The following PDE8B variants were observed in gnomAD, a reference collection of about 807,000 sequenced individuals.
PDE8B encodes the protein high affinity cAMP-specific and IBMX-insensitive 3',5'-cyclic phosphodiesterase 8B.
Under a neutral mutation model 101.3 loss-of-function variants are expected in PDE8B, and 26 were observed. The ratio of observed to expected loss-of-function variants is 0.26; its 90% CI spans 0.19 to 0.36. The LOEUF (loss-of-function observed/expected upper bound fraction) is 0.36, where lower values mean the gene tolerates loss of function less well. Among genes scored for constraint, PDE8B ranks in the 10% least tolerant of loss-of-function variants. PDE8B has a pLI of 1.00. For missense variants in PDE8B, 810 were observed against 1,163.1 expected, an observed-to-expected ratio of 0.70 and a Z score of 4.42; for synonymous variants, 424 against 429.3, an observed-to-expected ratio of 0.99 and a Z score of 0.15.
At chr5:77,413,785 T>C (rs1417430933) in intron 17 of PDE8B, among the ~76,000 whole-genome samples, 1 of 152,202 alleles carries the variant, frequency 6.6e-6, no homozygotes, top group Non-Finnish European at 1.5e-5. Context: ...GTGCCTATCT[T>C]TATATTAATG....
intron 1 of PDE8B, among the ~76,000 whole-genome samples, chr5:77,273,956 A>G (rs1321583797): frequency 1.3e-5 from 2 of 151,864 alleles, no homozygotes; most frequent in South Asian, 2.1e-4. Flanking sequence ...CCGAGTAGCT[A>G]GGATTACAGA....
chr5:77,338,976 G>T (rs1238974872), intron 6 of PDE8B, among the ~76,000 whole-genome samples: 2 of 152,150 alleles, frequency 1.3e-5, no homozygotes, highest in Admixed American at 6.5e-5. Flanking sequence ...GGCACTGGGG[G>T]GCTGTCCCAG....
chr5:77,337,378 AC>A, intron 6 of PDE8B, 63 bp downstream of exon 6: 1 of 864,178 alleles, frequency 1.2e-6, no homozygotes. Flanking sequence ...TTATCTGTCA[AC>A]AGGCTGATGT....
At chr5:77,126,927 C>T in the PDE8B span, among the ~76,000 whole-genome samples, 1 of 152,168 alleles carries the variant, frequency 6.6e-6, no homozygotes, top group African/African-American at 2.4e-5. Context: ...AGCTTCTGGA[C>T]TTTATTTATT....
the PDE8B span, among the ~76,000 whole-genome samples, chr5:77,153,695 C>T: frequency 2.6e-5 from 4 of 151,930 alleles, no homozygotes; most frequent in South Asian, 6.2e-4. Context: ...CTGCCTCAGC[C>T]TCCGGAGTAG....
chr5:77,241,308 T>A (rs982257757), intron 1 of PDE8B, among the ~76,000 whole-genome samples: 1 of 152,226 alleles, frequency 6.6e-6, no homozygotes, highest in Non-Finnish European at 1.5e-5. Context: ...GTATTGCTCT[T>A]GAATCTGAAG....
At position 77,344,913 on chromosome 5, in the gene PDE8B, C is replaced by T. The variant is rs575049091; in HGVS notation, c.858C>T (p.Ser286=). The T allele has an allele frequency of 2.4e-4, 388 of 1,607,062 alleles. 3 individuals carry two copies. In the South Asian group the frequency reaches 3.9e-3, roughly 16 times the overall value. Residue 286 remains serine, a synonymous_variant, in exon 7 of 22, where the codon AGC becomes AGT. Coordinates refer to ENST00000264917, the MANE Select transcript of PDE8B (RefSeq NM_003719.5). ...DHCHEAIEIT[S]DDHVIQYVNP... is the part of the protein sequence containing the mutation. ...GTCATGAAGCCATAGAAATAACAAGCGATGACCACGTGATTCAGGTATGGA... is the reference window on the plus strand; with the variant it reads ...GTCATGAAGCCATAGAAATAACAAGTGATGACCACGTGATTCAGGTATGGA...
the PDE8B span, chr5:77,114,849 AT>A: frequency 6.6e-6 from 1 of 152,230 alleles, no homozygotes. Flanking sequence ...CAATGGTACC[AT>A]TTTAGCACAG....
At chr5:77,272,473 G>A (rs1345310268) in intron 1 of PDE8B, among the ~76,000 whole-genome samples, 1 of 152,128 alleles carries the variant, frequency 6.6e-6, no homozygotes, top group Non-Finnish European at 1.5e-5. Context: ...TGTACATATG[G>A]TTCCTTTTAT....
chr5:77,308,112 T>C (rs1771666797), intron 1 of PDE8B, among the ~76,000 whole-genome samples: 1 of 152,252 alleles, frequency 6.6e-6, no homozygotes, highest in Non-Finnish European at 1.5e-5. Flanking sequence ...AACTGCCGTC[T>C]GTGAATACAC....
At chr5:77,130,957 T>G in the PDE8B span, 1 of 152,250 alleles carries the variant, frequency 6.6e-6, no homozygotes, top group African/African-American at 2.4e-5. Context: ...GAAATCAGGT[T>G]TGAGCCCTGC....
the PDE8B span, among the ~76,000 whole-genome samples, chr5:77,109,838 T>C: frequency 2.0e-5 from 3 of 151,146 alleles, no homozygotes; most frequent in Admixed American, 2.0e-4. Context: ...TATAGAAGAA[T>C]GGCCAAGAGA....
intron 2 of PDE8B, among the ~76,000 whole-genome samples, chr5:77,320,316 A>G (rs1364682261): frequency 6.6e-6 from 1 of 152,208 alleles, no homozygotes; most frequent in East Asian, 1.9e-4. Flanking sequence ...AGGATTGCCG[A>G]TAGCTATGTT....
At chr5:77,268,373 T>C (rs140811093) in intron 1 of PDE8B, among the ~76,000 whole-genome samples, 133 of 152,274 alleles carry the variant, frequency 8.7e-4, no homozygotes, top group African/African-American at 3.1e-3. Flanking sequence ...ATTATGTTCT[T>C]TTAGTTATTT....
chr5:77,422,629 G>C (rs34420432), intron 20 of PDE8B, among the ~76,000 whole-genome samples: 1 of 152,014 alleles, frequency 6.6e-6, no homozygotes, highest in South Asian at 2.1e-4. Flanking sequence ...TAGCAGTGTA[G>C]AGAGTTAAAG....
the PDE8B span, among the ~76,000 whole-genome samples, chr5:77,090,514 A>C: frequency 6.6e-6 from 1 of 152,124 alleles, no homozygotes; most frequent in Non-Finnish European, 1.5e-5. Context: ...ACCTTGTGAT[A>C]CACCCGCCTC....
the PDE8B span, among the ~76,000 whole-genome samples, chr5:77,102,619 C>A: frequency 6.6e-6 from 1 of 152,188 alleles, no homozygotes; most frequent in Admixed American, 6.5e-5. Flanking sequence ...TCCAGAAGGA[C>A]AGAAGCAGCC....
intron 11 of PDE8B, among the ~76,000 whole-genome samples, chr5:77,401,224 A>G (rs763364539): frequency 2.6e-5 from 4 of 152,166 alleles, no homozygotes; most frequent in Non-Finnish European, 5.9e-5. Context: ...ACAGGCTGGG[A>G]TAACATAATG....
intron 17 of PDE8B, 80 bp downstream of exon 17, chr5:77,413,389 A>G (rs1339208263): frequency 7.8e-7 from 1 of 1,288,116 alleles, no homozygotes; most frequent in African/African-American, 1.5e-5. Flanking sequence ...ACATTAGGCA[A>G]ACAGCTATTT....
Sources: allele counts gnomAD v4.1 joint callset (sites outside exome capture counted in the v4.1 genomes callset), GRCh38; gene constraint gnomAD v4.1.1; transcripts MANE v1.5; gene names NCBI Gene and HGNC (gene_info 2026-07-23, HGNC 2026-07-21).